SRGAP3: variants seen among roughly 807,000 people sequenced by gnomAD.
The protein encoded by SRGAP3 is SLIT-ROBO Rho GTPase activating protein 3.
Under a neutral mutation model 121.1 loss-of-function variants are expected in SRGAP3, and 39 were observed. That is an observed-to-expected ratio of 0.32 (90% CI 0.25 to 0.42). The LOEUF is 0.42. Among genes scored for constraint, SRGAP3 ranks in the 10% least tolerant of loss-of-function variants. The pLI, the probability that SRGAP3 is intolerant of heterozygous loss-of-function variation, is 1.00. For synonymous variants in SRGAP3, 601 were observed against 570.0 expected (o/e 1.05, Z -0.77); for missense variants, 1,213 against 1,470.6 (o/e 0.82, Z 2.86).
At chr3:9,156,051 G>A (rs373409296) in intron 1 of SRGAP3, among the ~76,000 whole-genome samples, 16 of 152,300 alleles carry the variant, frequency 1.1e-4, no homozygotes, top group East Asian at 5.8e-4. Flanking sequence ...TCCTGACCTC[G>A]TGATCCACCC....
chr3:9,278,245 G>C (rs1954618183), intron 3 of SRGAP3, among the ~76,000 whole-genome samples: 1 of 152,146 alleles, frequency 6.6e-6, no homozygotes, highest in Admixed American at 6.6e-5. Context: ...CATTGTGTCA[G>C]GCCTCCTCCA....
intron 3 of SRGAP3, among the ~76,000 whole-genome samples, chr3:9,306,236 C>T (rs1955159213): frequency 6.6e-6 from 1 of 152,144 alleles, no homozygotes; most frequent in Non-Finnish European, 1.5e-5. Context: ...TGTTCATATC[C>T]TTTGCCCACT....
chr3:9,049,408 C>G (rs773435360), intron 9 of SRGAP3: 2 of 455,948 alleles, frequency 4.4e-6, no homozygotes, highest in African/African-American at 2.0e-5. Context: ...TTTTCACACA[C>G]GTACGTTTAA....
At chr3:9,064,292 G>C in intron 5 of SRGAP3, 104 bp downstream of exon 5, 1 of 1,483,314 alleles carries the variant, frequency 6.7e-7, no homozygotes, top group South Asian at 1.2e-5. Context: ...CACCCCACTG[G>C]GATGCAGGGG....
chr3:9,288,034 A>T (rs138516291), intron 3 of SRGAP3, among the ~76,000 whole-genome samples: 45 of 151,588 alleles, frequency 3.0e-4, no homozygotes, highest in African/African-American at 1.1e-3. Context: ...CTGTTCAAAT[A>T]TTATCTCCAC....
chr3:9,332,288 T>G (rs533610415), intron 1 of SRGAP3, among the ~76,000 whole-genome samples: 3 of 152,080 alleles, frequency 2.0e-5, no homozygotes, highest in Non-Finnish European at 4.4e-5. Context: ...CCCAACTAAT[T>G]TTTGTATTTT....
chr3:9,022,048 G>T (rs543436888), intron 14 of SRGAP3, among the ~76,000 whole-genome samples: 20 of 152,328 alleles, frequency 1.3e-4, no homozygotes, highest in Non-Finnish European at 2.6e-4. Flanking sequence ...AAATAAACTG[G>T]CCAGGCGCAG....
intron 1 of SRGAP3, among the ~76,000 whole-genome samples, chr3:9,157,439 C>T (rs1055146455): frequency 2.0e-5 from 3 of 152,178 alleles, no homozygotes; most frequent in Non-Finnish European, 4.4e-5. Context: ...AGAGCCAAAC[C>T]ATATCAAATA....
At chr3:9,246,327 G>A (rs1230139379) in intron 1 of SRGAP3, among the ~76,000 whole-genome samples, 3 of 152,136 alleles carry the variant, frequency 2.0e-5, no homozygotes, top group Non-Finnish European at 4.4e-5. Context: ...AATTGGCCTC[G>A]GGCACTGTTT....
At chr3:9,054,175 AG>A (rs1251543925) in intron 8 of SRGAP3, among the ~76,000 whole-genome samples, 1 of 152,226 alleles carries the variant, frequency 6.6e-6, no homozygotes, top group Non-Finnish European at 1.5e-5. Context: ...CCTCTCAGTC[AG>A]GGGCATTCCA....
chr3:9,124,944 G>A, intron 1 of SRGAP3, 27 bp from the exon 2 acceptor site: 1 of 1,613,306 alleles, frequency 6.2e-7, no homozygotes, highest in South Asian at 1.1e-5. Context: ...GTAGGAGCAT[G>A]AGACTGGTGG....
In SRGAP3 at chr3:9,249,151, TG is replaced by T; in HGVS notation, c.-201del. ...AAAAATCTCTTTACTTGCCGAGAAA[TG>T]GCTCTAGTAGCTTGCCCTGGTCAGC... On this transcript the variant is annotated 5_prime_UTR_variant, in exon 1 of 22. Coordinates refer to ENST00000383836, the MANE Select transcript of SRGAP3 (RefSeq NM_014850.4). The T allele has an allele frequency of 1.6e-6, 1 of 641,972 alleles. No individual in the cohort carries two copies. The highest frequency in any genetic ancestry group is 2.8e-6 in the Non-Finnish European group (1 of 360,492). 39.8% of individuals were successfully genotyped at this position (641,972 alleles called of 1,614,324 possible).
chr3:9,142,135 A>T lies in SRGAP3; in HGVS notation c.68-17218T>A, dbSNP rs572415305. Among the ~76,000 whole-genome samples the T allele has an allele frequency of 2.6e-5, 4 of 152,340 alleles. No individual in the cohort carries two copies. The South Asian group carries it at 8.3e-4, about 32-fold the overall frequency. On this transcript the variant is annotated intron_variant, in intron 1 of 21. Coordinates refer to ENST00000383836, the MANE Select transcript of SRGAP3 (RefSeq NM_014850.4). ...ACCTCATCTGTTTCCTCATTCGTAA[A>T]CTGGGATTAATGGAACCTACCTAAG...
intron 1 of SRGAP3, chr3:9,235,501 T>G (rs2668357): frequency 0.31 from 45,504 of 147,138 alleles, 7,391 homozygotes; most frequent in African/African-American, 0.4. Flanking sequence ...TTTTTTCTTT[T>G]TCTTTTTTTT....
At chr3:9,203,556 C>T (rs564442367) in intron 1 of SRGAP3, among the ~76,000 whole-genome samples, 5 of 152,316 alleles carry the variant, frequency 3.3e-5, no homozygotes, top group African/African-American at 1.2e-4. Flanking sequence ...AGATCGAGAA[C>T]TCTTCTGTGC....
intron 3 of SRGAP3, among the ~76,000 whole-genome samples, chr3:9,290,220 T>C (rs1954848577): frequency 6.6e-6 from 1 of 152,232 alleles, no homozygotes; most frequent in Non-Finnish European, 1.5e-5. Flanking sequence ...TATTTCTTCA[T>C]AACTTGCTAG....
chr3:9,066,921 G>T (rs1422231215), intron 4 of SRGAP3, among the ~76,000 whole-genome samples: 2 of 152,232 alleles, frequency 1.3e-5, no homozygotes, highest in African/African-American at 2.4e-5. Context: ...ATATGGACAA[G>T]TGTCTGGGCT....
intron 1 of SRGAP3, among the ~76,000 whole-genome samples, chr3:9,350,910 A>T (rs1039267235): frequency 6.6e-6 from 1 of 152,180 alleles, no homozygotes; most frequent in African/African-American, 2.4e-5. Context: ...TACCACAGTG[A>T]TTTATTATTT....
At chr3:8,989,530 T>G (rs1220499656) in intron 21 of SRGAP3, among the ~76,000 whole-genome samples, 1 of 152,156 alleles carries the variant, frequency 6.6e-6, no homozygotes, top group Non-Finnish European at 1.5e-5. Context: ...AAGGCTACTC[T>G]CCACAGTAAA....
Sources: gnomAD v4.1 joint callset for allele counts (sites outside exome capture counted in the v4.1 genomes callset) on GRCh38, gnomAD v4.1.1 for gene constraint, MANE v1.5 for transcripts, NCBI Gene and HGNC (gene_info 2026-07-23, HGNC 2026-07-21) for gene names.